RTN3: variants seen among roughly 807,000 people sequenced by gnomAD.
RTN3 encodes reticulon 3.
In RTN3, 49 loss-of-function variants were observed where a neutral mutation model predicts 77.8. The observed-to-expected ratio is 0.63, with a 90% CI of 0.50 to 0.80. RTN3 has a LOEUF of 0.80. Ranked by LOEUF, RTN3 falls within the 30% of genes least tolerant of loss-of-function variation. RTN3 has a pLI of 0.00. For synonymous variants in RTN3, 464 were observed against 446.9 expected (o/e 1.04, Z -0.48); for missense variants, 1,236 against 1,211.9 (o/e 1.02, Z -0.29).
chr11:63,721,367 G>A (rs1020018124), intron 3 of RTN3, among the ~76,000 whole-genome samples: 1 of 152,084 alleles, frequency 6.6e-6, no homozygotes, highest in Non-Finnish European at 1.5e-5. Context: ...AAGGTCAGGA[G>A]ATTGAGACCA....
At position 63,753,678 on chromosome 11, in the gene RTN3, C is replaced by G; in HGVS notation, c.2964C>G (p.Phe988Leu). The G allele has an allele frequency of 6.2e-7, 1 of 1,613,812 alleles. No homozygotes were observed. The highest frequency in any genetic ancestry group is 8.5e-7 in the Non-Finnish European group (1 of 1,179,772). The change falls in exon 7 of 9, where the codon TTC (phenylalanine) becomes TTG (leucine). Residue 988 changes from phenylalanine to leucine, a missense_variant. Phe to Leu is a conservative substitution (Grantham distance 22). Coordinates refer to ENST00000377819, the MANE Select transcript of RTN3 (RefSeq NM_001265589.2). ...TLLILAELLI[F>L]SVPIVYEKYK... is the part of the protein sequence containing the mutation. Reference sequence around the variant, plus strand: ...GTCTTACAGCTGAACTGCTCATTTTCAGTGTCCCGATTGTCTATGAGAAGT... The same window carrying G: ...GTCTTACAGCTGAACTGCTCATTTTGAGTGTCCCGATTGTCTATGAGAAGT...
chr11:63,732,518 C>T (rs966589189), intron 3 of RTN3, among the ~76,000 whole-genome samples: 7 of 151,080 alleles, frequency 4.6e-5, no homozygotes, highest in African/African-American at 1.7e-4. Context: ...GCACAGATTA[C>T]CAATATCAAG....
At chr11:63,724,348 A>G (rs1410037479) in intron 3 of RTN3, among the ~76,000 whole-genome samples, 1 of 149,382 alleles carries the variant, frequency 6.7e-6, no homozygotes, top group East Asian at 1.9e-4. Flanking sequence ...ACGCCCGGCT[A>G]ATTTTTTGTA....
At chr11:63,733,225 C>T (rs2012820094) in intron 3 of RTN3, among the ~76,000 whole-genome samples, 1 of 151,750 alleles carries the variant, frequency 6.6e-6, no homozygotes, top group Non-Finnish European at 1.5e-5. Flanking sequence ...AGGACCGAGG[C>T]AGGCACATCA....
chr11:63,735,550 T>TTCTCTCTCTC (rs71468640), intron 3 of RTN3, among the ~76,000 whole-genome samples: 4,311 of 42,674 alleles, frequency 0.1, 1,152 homozygotes, highest in Admixed American at 0.12. Context: ...ATTCTAACAT[T>TTCTCTCTCTC]TCTCTCTCTC....
chr11:63,751,099 C>T (rs1434364200), intron 4 of RTN3, among the ~76,000 whole-genome samples: 1 of 152,022 alleles, frequency 6.6e-6, no homozygotes, highest in African/African-American at 2.4e-5. Context: ...GAACTCCTGA[C>T]CTCGTGATCC....
chr11:63,744,400 T>C (rs1350138995), intron 3 of RTN3, among the ~76,000 whole-genome samples: 1 of 152,122 alleles, frequency 6.6e-6, no homozygotes, highest in African/African-American at 2.4e-5. Context: ...GCAAATACCA[T>C]AGTTAACTTA....
intron 2 of RTN3, among the ~76,000 whole-genome samples, chr11:63,714,851 G>A (rs1370561473): frequency 6.6e-6 from 1 of 152,036 alleles, no homozygotes; most frequent in Non-Finnish European, 1.5e-5. Flanking sequence ...AGGCTATCAT[G>A]GTGCTCAGCA....
intron 3 of RTN3, among the ~76,000 whole-genome samples, chr11:63,728,785 G>T (rs1382454311): frequency 6.6e-6 from 1 of 151,858 alleles, no homozygotes; most frequent in African/African-American, 2.4e-5. Flanking sequence ...TACCCAGGAG[G>T]CTGAGGCAAG....
chr11:63,749,962 A>T (rs1176269003), intron 3 of RTN3, 29 bp from the exon 4 acceptor site: 2 of 1,545,606 alleles, frequency 1.3e-6, no homozygotes, highest in East Asian at 2.3e-5. Context: ...GATGTTTCTT[A>T]TAACTTATAT....
chr11:63,685,761 G>C (rs1941335713), intron 1 of RTN3, among the ~76,000 whole-genome samples: 1 of 152,104 alleles, frequency 6.6e-6, no homozygotes, highest in Non-Finnish European at 1.5e-5. Flanking sequence ...TCTTGGTTTT[G>C]GAGACTTGTC....
intron 1 of RTN3, among the ~76,000 whole-genome samples, chr11:63,699,012 G>A (rs1188147939): frequency 6.6e-6 from 1 of 152,164 alleles, no homozygotes; most frequent in African/African-American, 2.4e-5. Flanking sequence ...TCCTGGCCGG[G>A]CACAGTGGCT....
At chr11:63,698,232 T>C (rs926752100) in intron 1 of RTN3, among the ~76,000 whole-genome samples, 3 of 152,054 alleles carry the variant, frequency 2.0e-5, no homozygotes, top group African/African-American at 7.2e-5. Flanking sequence ...CAAGTGATCC[T>C]TTCAGCTCAG....
chr11:63,693,946 AC>A (rs1399788493), intron 1 of RTN3, among the ~76,000 whole-genome samples: 3 of 151,828 alleles, frequency 2.0e-5, no homozygotes, highest in Non-Finnish European at 4.4e-5. Flanking sequence ...ACATAATGAA[AC>A]CCCATCTCTA....
intron 2 of RTN3, among the ~76,000 whole-genome samples, chr11:63,708,306 A>C: frequency 6.6e-6 from 1 of 152,078 alleles, no homozygotes; most frequent in African/African-American, 2.4e-5. Flanking sequence ...TATATACCCC[A>C]ATCATATTAA....
intron 1 of RTN3, among the ~76,000 whole-genome samples, chr11:63,695,892 G>A (rs1252947876): frequency 6.6e-6 from 1 of 152,036 alleles, no homozygotes; most frequent in Non-Finnish European, 1.5e-5. Context: ...AAGAAGGACA[G>A]AGTGAGACCT....
intron 1 of RTN3, among the ~76,000 whole-genome samples, chr11:63,690,348 G>A (rs528093182): frequency 6.6e-6 from 1 of 152,274 alleles, no homozygotes; most frequent in East Asian, 1.9e-4. Context: ...TATGATTTAA[G>A]TTGTGCCCAT....
chr11:63,758,705 A>G lies in RTN3; in HGVS notation c.*504A>G, dbSNP rs1381458942. 6.9e-5 allele frequency: 18 copies of G among 259,000 alleles called. No individual in the cohort carries two copies. The highest frequency in any genetic ancestry group is 1.1e-4 in the African/African-American group (5 of 45,440). The allele number at this position is 259,000 out of a possible 1,614,324, so 16.0% of individuals were successfully genotyped here. ...TATCTTCCTGCCCCACAATGTGAGC[A>G]GCTACCCCTGATACTCCTTTTCTTT... On this transcript the variant is annotated 3_prime_UTR_variant, in exon 9 of 9. Coordinates refer to ENST00000377819, the MANE Select transcript of RTN3 (RefSeq NM_001265589.2).
At chr11:63,702,322 GT>G (rs536198212) in intron 1 of RTN3, among the ~76,000 whole-genome samples, 24 of 143,488 alleles carry the variant, frequency 1.7e-4, no homozygotes, top group African/African-American at 4.9e-4. Flanking sequence ...TTGTTTTTTT[GT>G]TTTTTTTTTG....
Sources: gnomAD v4.1 joint callset for allele counts (sites outside exome capture counted in the v4.1 genomes callset) on GRCh38, gnomAD v4.1.1 for gene constraint, MANE v1.5 for transcripts, NCBI Gene and HGNC (gene_info 2026-07-23, HGNC 2026-07-21) for gene names.